RAI1: variants seen among roughly 807,000 people sequenced by gnomAD.
RAI1 encodes retinoic acid-induced protein 1.
A neutral mutation model predicts 123.8 loss-of-function variants in RAI1; 9 were observed. The ratio of observed to expected loss-of-function variants is 0.07; its 90% CI spans 0.04 to 0.13. RAI1 has a LOEUF of 0.13. Ranked by LOEUF, RAI1 falls within the 10% of genes least tolerant of loss-of-function variation. The probability of loss-of-function intolerance (pLI) is 1.00; values close to 1 mark genes in which losing one functional copy is unlikely to be tolerated. For synonymous variants in RAI1, 1,231 were observed against 1,127.3 expected (o/e 1.09, Z -1.84); for missense variants, 2,256 against 2,545.8 (o/e 0.89, Z 2.45).
At chr17:17,792,841 G>A (rs1465994589) in intron 2 of RAI1, 92 bp from the exon 3 acceptor site, 1 of 1,047,738 alleles carries the variant, frequency 9.5e-7, no homozygotes, top group Non-Finnish European at 1.4e-6. Flanking sequence ...AAAAGGAAGT[G>A]GCCCGTCTGA....
intron 2 of RAI1, among the ~76,000 whole-genome samples, chr17:17,743,673 G>A (rs748990688): frequency 2.0e-5 from 3 of 152,268 alleles, no homozygotes; most frequent in Non-Finnish European, 4.4e-5. Context: ...AAGCTCAGCT[G>A]GCAAATGTAG....
rs1413852650 is a variant in RAI1, at chr17:17,800,075, G to C, written c.5565+1562G>C. Among the ~76,000 whole-genome samples, 4 of 152,074 alleles carry C rather than the reference G, an allele frequency of 2.6e-5. No individual in the cohort carries two copies. The highest frequency in any genetic ancestry group is 9.7e-5 in the African/African-American group (4 of 41,404). On this transcript the variant is annotated intron_variant, in intron 3 of 5. Coordinates refer to ENST00000353383, the MANE Select transcript of RAI1 (RefSeq NM_030665.4). The surrounding 1 kb of genome is among the most constrained non-coding windows in gnomAD (Gnocchi z 4.7). ...CCGACAGGACTCCTGCAGGTTCCTG[G>C]TGCCGCGGGCCTTGCTTACCCAGCA...
chr17:17,789,184 C>T (rs923494091), intron 2 of RAI1, among the ~76,000 whole-genome samples: 11 of 152,234 alleles, frequency 7.2e-5, no homozygotes, highest in African/African-American at 2.7e-4. Context: ...GGTGTCCACC[C>T]GTGGTCCAGT....
chr17:17,709,339 G>A (rs1915491916), intron 1 of RAI1, among the ~76,000 whole-genome samples: 1 of 152,094 alleles, frequency 6.6e-6, no homozygotes, highest in African/African-American at 2.4e-5. Flanking sequence ...TACTCAGGCG[G>A]GCTCCTCTCA....
intron 1 of RAI1, among the ~76,000 whole-genome samples, chr17:17,722,806 G>C (rs868770137): frequency 6.8e-6 from 1 of 147,086 alleles, no homozygotes; most frequent in Non-Finnish European, 1.5e-5. Context: ...TGCGGCTAGG[G>C]GAGGCGCGCG....
chr17:17,703,778 T>A (rs1314178057), intron 1 of RAI1, among the ~76,000 whole-genome samples: 1 of 152,154 alleles, frequency 6.6e-6, no homozygotes, highest in Non-Finnish European at 1.5e-5. Context: ...AGTGCTAAGA[T>A]TACAGGCATG....
At chr17:17,743,304 A>G (rs1214146806) in intron 2 of RAI1, among the ~76,000 whole-genome samples, 2 of 152,208 alleles carry the variant, frequency 1.3e-5, no homozygotes, top group Non-Finnish European at 2.9e-5. Flanking sequence ...AAGATCCTGA[A>G]GGCAGAACAC....
At chr17:17,808,506 G>A (rs1450958228) in intron 4 of RAI1, among the ~76,000 whole-genome samples, 1 of 149,976 alleles carries the variant, frequency 6.7e-6, no homozygotes. Context: ...GGGGTGCAGT[G>A]GTACAATCAC....
rs1240460489 is a variant in RAI1 at position 17,793,124 on chromosome 17, A to T, written c.176A>T (p.Tyr59Phe). ...DYYNPQPYPS[Y>F]EGGAGTPSGT... ...TATAACCCGCAGCCTTACCCGAGCT[A>T]TGAGGGTGGCGCTGGCACGCCCTCT... The change falls in exon 3 of 6, where the codon TAT becomes TTT. Residue 59 changes from tyrosine (Y) to phenylalanine (F), a missense_variant. Tyr to Phe is a conservative substitution (Grantham distance 22). Around this residue, in one of 7 missense-constraint regions of RAI1, gnomAD observed 336 missense variants for 349.8 expected, o/e 0.96. Coordinates refer to ENST00000353383, the MANE Select transcript of RAI1 (RefSeq NM_030665.4). 3 of 1,613,852 alleles carry T rather than the reference A, an allele frequency of 1.9e-6. No individual in the cohort carries two copies. Among genetic ancestry groups the T allele is most frequent in the South Asian group, 2.2e-5 (2 of 91,088 alleles).
chr17:17,720,229 C>T (rs1242116656), intron 1 of RAI1, among the ~76,000 whole-genome samples: 1 of 152,240 alleles, frequency 6.6e-6, no homozygotes, highest in Non-Finnish European at 1.5e-5. Context: ...TGCATGAAAG[C>T]AGCTATTGAG....
chr17:17,805,060 A>G (rs1249445936), intron 4 of RAI1, among the ~76,000 whole-genome samples: 1 of 151,874 alleles, frequency 6.6e-6, no homozygotes. Context: ...ATGGGGTTTC[A>G]CTGCTTTGGA....
At chr17:17,782,907 G>A (rs1364400382) in intron 2 of RAI1, among the ~76,000 whole-genome samples, 2 of 152,254 alleles carry the variant, frequency 1.3e-5, no homozygotes, top group East Asian at 3.9e-4. Context: ...TGCGGAGGCC[G>A]TACGCCCCGC....
At chr17:17,688,971 T>C (rs918678325) in intron 1 of RAI1, among the ~76,000 whole-genome samples, 1 of 151,630 alleles carries the variant, frequency 6.6e-6, no homozygotes, top group Admixed American at 6.6e-5. Context: ...ATTTTTTTTT[T>C]TTGAGCCGGA....
chr17:17,717,583 C>T (rs189652890), intron 1 of RAI1, among the ~76,000 whole-genome samples: 24 of 152,222 alleles, frequency 1.6e-4, no homozygotes, highest in Admixed American at 1.3e-3. Context: ...TTTCCCCTCT[C>T]CTTTATCTGC....
chr17:17,693,825 G>C (rs1387529109), intron 1 of RAI1, among the ~76,000 whole-genome samples: 1 of 152,218 alleles, frequency 6.6e-6, no homozygotes, highest in Non-Finnish European at 1.5e-5. Flanking sequence ...ATTGCTCTGG[G>C]CCAGAGATCG....
intron 2 of RAI1, among the ~76,000 whole-genome samples, chr17:17,739,957 A>AC (rs2142966506): frequency 6.6e-6 from 1 of 152,240 alleles, no homozygotes; most frequent in South Asian, 2.1e-4. Flanking sequence ...AACATGACTC[A>AC]CCGCGTGGCA....
chr17:17,684,704 A>ATATGTATATG (rs1914570229), intron 1 of RAI1: 1 of 119,544 alleles, frequency 8.4e-6, no homozygotes, highest in Admixed American at 9.2e-5. Flanking sequence ...ATATATATAT[A>ATATGTATATG]TATGTATGTA....
At position 17,797,677 on chromosome 17, in the gene RAI1, C is replaced by T. The variant is rs1380515232; in HGVS notation, c.4729C>T (p.Leu1577Phe). 10 of 1,613,678 alleles carry T rather than the reference C, an allele frequency of 6.2e-6. No homozygotes were observed. The highest frequency in any genetic ancestry group is 8.5e-6 in the Non-Finnish European group (10 of 1,179,900). Residue 1577 changes from leucine to phenylalanine, a missense_variant, in exon 3 of 6, where the codon CTC becomes TTC. Leu to Phe is a conservative substitution (Grantham distance 22). Around this residue, in one of 7 missense-constraint regions of RAI1, gnomAD observed 410 missense variants for 374.6 expected, o/e 1.09. Coordinates refer to ENST00000353383, the MANE Select transcript of RAI1 (RefSeq NM_030665.4). ...GGATCCCGCAGAGCCTGAAATCCGC[C>T]TCAAGTACATTTCCTCTTGCAAGCG... Reference protein sequence around the residue: ...PLDPAEPEIRLKYISSCKRLR... With the variant: ...PLDPAEPEIRFKYISSCKRLR...
chr17:17,717,318 A>G (rs1038439880), intron 1 of RAI1, among the ~76,000 whole-genome samples: 5 of 152,244 alleles, frequency 3.3e-5, no homozygotes, highest in Admixed American at 2.6e-4. Context: ...GAGTCCTGCT[A>G]CCAAGCAGGC....
Sources: gnomAD v4.1 joint callset for allele counts (sites outside exome capture counted in the v4.1 genomes callset) on GRCh38, gnomAD v4.1.1 for gene constraint, gnomAD v4.1.1 regional missense constraint, Gnocchi (gnomAD v3.1) non-coding constraint, MANE v1.5 for transcripts, NCBI Gene and HGNC (gene_info 2026-07-23, HGNC 2026-07-21) for gene names.